Variants in TIAM1 observed in about 807,000 individuals in gnomAD.
The protein encoded by TIAM1 is TIAM Rac1 associated GEF 1, also known as rho guanine nucleotide exchange factor TIAM1.
Under a neutral mutation model 163.5 loss-of-function variants are expected in TIAM1, and 65 were observed. The observed-to-expected ratio is 0.40, with a 90% CI of 0.33 to 0.49. TIAM1 has a LOEUF of 0.49. TIAM1 is among the 20% of genes least tolerant of loss of function. The probability of loss-of-function intolerance (pLI) is 0.77; values close to 1 mark genes in which losing one functional copy is unlikely to be tolerated. For synonymous variants in TIAM1, 833 were observed against 810.1 expected, an observed-to-expected ratio of 1.03 and a Z score of -0.48; for missense variants, 1,789 against 2,044.7, an observed-to-expected ratio of 0.87 and a Z score of 2.41.
At chr21:31,310,080 A>G (rs983617463) in intron 2 of TIAM1, among the ~76,000 whole-genome samples, 5 of 152,248 alleles carry the variant, frequency 3.3e-5, no homozygotes, top group Non-Finnish European at 5.9e-5. Flanking sequence ...TGCTAAATCA[A>G]TTCCTTTTTC....
intron 2 of TIAM1, among the ~76,000 whole-genome samples, chr21:31,409,051 T>C (rs1397288013): frequency 6.6e-6 from 1 of 151,848 alleles, no homozygotes; most frequent in Non-Finnish European, 1.5e-5. Context: ...TGTAAACACA[T>C]TGCTCCCACA....
At chr21:31,389,414 G>A (rs145667312) in intron 2 of TIAM1, among the ~76,000 whole-genome samples, 162 of 152,212 alleles carry the variant, frequency 1.1e-3, no homozygotes, top group African/African-American at 3.8e-3. Flanking sequence ...TCGCCATGTT[G>A]GCCAGGCTGG....
rs745535556 is a variant in TIAM1, at chr21:31,245,632, G to A, written c.1440C>T (p.Asp480=). The part of the protein sequence containing the change: ...KGCTLFFYES[D]GRSGIDHNSI... ...TGTTGTGGTCTATCCCAGACCTGCC[G>A]TCGCTCTCGTAGAAAAATAGCGTGC... The change falls in exon 6 of 28, where the codon GAC becomes GAT. Residue 480 remains aspartate (D), a synonymous_variant. Coordinates refer to ENST00000541036, the MANE Select transcript of TIAM1 (RefSeq NM_001353694.2). 2.1e-5 allele frequency: 33 copies of A among 1,585,434 alleles called. No individual in the cohort carries two copies. The East Asian group carries it at 2.3e-4, about 11-fold the overall frequency.
intron 2 of TIAM1, among the ~76,000 whole-genome samples, chr21:31,296,949 C>CA (rs2082025657): frequency 1.3e-5 from 2 of 152,282 alleles, no homozygotes; most frequent in African/African-American, 4.8e-5. Context: ...GGGCATGAGC[C>CA]ACTGCATCTG....
Position 31,378,314 on chromosome 21 carries a change from C to A in TIAM1, c.-368-38892G>T, listed in dbSNP as rs531587555. On this transcript the variant is annotated intron_variant, in intron 2 of 28. Coordinates refer to the TIAM1 transcript ENST00000286827. Reference sequence around the variant, plus strand: ...ATGTTAGCCAGGAGGCACCTTATGTCTTCAAAAAAAATTAACACCAACCTC... The same window carrying A: ...ATGTTAGCCAGGAGGCACCTTATGTATTCAAAAAAAATTAACACCAACCTC... Among the ~76,000 whole-genome samples, 568 of 152,084 alleles carry A rather than the reference C, an allele frequency of 3.7e-3. 1 individual carries two copies. Among genetic ancestry groups the A allele is most frequent in the Non-Finnish European group, 5.7e-3 (387 of 68,000 alleles).
chr21:31,439,945 GGATGGCTGATGCTTCC>G (rs1378361169), intron 2 of TIAM1, among the ~76,000 whole-genome samples: 1 of 152,176 alleles, frequency 6.6e-6, no homozygotes, highest in African/African-American at 2.4e-5. Context: ...ACAAAACCAT[GGATGGCTGATGCTTCC>G]GATTGTCAAT....
chr21:31,379,395 C>T (rs2076740626), intron 2 of TIAM1, among the ~76,000 whole-genome samples: 1 of 152,152 alleles, frequency 6.6e-6, no homozygotes, highest in African/African-American at 2.4e-5. Flanking sequence ...AATGAAATAA[C>T]ATCAATGAAT....
At chr21:31,278,393 C>G (rs975970613) in intron 2 of TIAM1, among the ~76,000 whole-genome samples, 1 of 152,182 alleles carries the variant, frequency 6.6e-6, no homozygotes, top group African/African-American at 2.4e-5. Flanking sequence ...CTTTTTAAAG[C>G]CTGCTGGTAG....
Position 31,199,930 on chromosome 21 carries a change from C to A in TIAM1, c.2493+2978G>T, listed in dbSNP as rs112883953. 4.5e-3 allele frequency among the ~76,000 whole-genome samples: 676 copies of A among 149,726 alleles called. 3 individuals carry two copies. The highest frequency in any genetic ancestry group is 0.014 in the South Asian group (67 of 4,734). Reference sequence around the variant, plus strand: ...CACATTAAAAAAAAAAAAAAACACACAAAAAATAAATAAAATAAAATAGCA... The same window carrying A: ...CACATTAAAAAAAAAAAAAAACACAAAAAAAATAAATAAAATAAAATAGCA... On this transcript the variant is annotated intron_variant, in intron 12 of 27. Coordinates refer to ENST00000541036, the MANE Select transcript of TIAM1 (RefSeq NM_001353694.2).
At chr21:31,279,123 AT>A (rs1465189452) in intron 2 of TIAM1, among the ~76,000 whole-genome samples, 2 of 152,016 alleles carry the variant, frequency 1.3e-5, no homozygotes, top group Admixed American at 6.5e-5. Flanking sequence ...GAACAAAAAA[AT>A]ATATAAATAA....
At chr21:31,417,679 G>A (rs2043419920) in intron 2 of TIAM1, among the ~76,000 whole-genome samples, 1 of 152,206 alleles carries the variant, frequency 6.6e-6, no homozygotes, top group Non-Finnish European at 1.5e-5. Context: ...TTGCCATCAG[G>A]GACAGAAGAG....
At chr21:31,557,473 G>C (rs2048919453) in intron 1 of TIAM1, among the ~76,000 whole-genome samples, 1 of 152,158 alleles carries the variant, frequency 6.6e-6, no homozygotes, top group African/African-American at 2.4e-5. Flanking sequence ...CCACTTTACA[G>C]ATGCGCAAAC....
chr21:31,342,367 A>G (rs1040040361), intron 1 of TIAM1, among the ~76,000 whole-genome samples: 2 of 151,764 alleles, frequency 1.3e-5, no homozygotes, highest in Non-Finnish European at 2.9e-5. Flanking sequence ...GGGAGACAAT[A>G]TGAAAAGATA....
At chr21:31,279,144 CAAA>C (rs546601246) in intron 2 of TIAM1, among the ~76,000 whole-genome samples, 1 of 150,462 alleles carries the variant, frequency 6.6e-6, no homozygotes, top group African/African-American at 2.4e-5. Context: ...AATAAATAAA[CAAA>C]AAAAAACTAT....
intron 2 of TIAM1, among the ~76,000 whole-genome samples, chr21:31,279,911 AC>A (rs2073470259): frequency 6.6e-6 from 1 of 152,200 alleles, no homozygotes; most frequent in Admixed American, 6.5e-5. Flanking sequence ...GACATCAGTC[AC>A]CTTAAATTTG....
intron 1 of TIAM1, among the ~76,000 whole-genome samples, chr21:31,556,038 T>C (rs1321696490): frequency 2.6e-5 from 4 of 152,198 alleles, no homozygotes; most frequent in African/African-American, 9.6e-5. Context: ...TGGACGAGCA[T>C]TAGAGTGGAG....
chr21:31,245,200 T>C (rs1228134894), intron 6 of TIAM1, among the ~76,000 whole-genome samples: 1 of 151,986 alleles, frequency 6.6e-6, no homozygotes, highest in Non-Finnish European at 1.5e-5. Context: ...CACACAAAGA[T>C]ATCCTTCAAC....
chr21:31,342,904 T>C (rs2076063024), intron 1 of TIAM1, among the ~76,000 whole-genome samples: 1 of 152,098 alleles, frequency 6.6e-6, no homozygotes, highest in Admixed American at 6.5e-5. Flanking sequence ...GCAACCTGCC[T>C]CCCGACCCCC....
chr21:31,526,196 A>C (rs1301835402), intron 1 of TIAM1, among the ~76,000 whole-genome samples: 1 of 152,172 alleles, frequency 6.6e-6, no homozygotes, highest in Non-Finnish European at 1.5e-5. Flanking sequence ...GGGGCAGATG[A>C]GTAAGCAAAC....
Sources: allele counts gnomAD v4.1 joint callset (sites outside exome capture counted in the v4.1 genomes callset), GRCh38; gene constraint gnomAD v4.1.1; transcripts MANE v1.5; gene names NCBI Gene and HGNC (gene_info 2026-07-23, HGNC 2026-07-21).